The following PTDSS1 variants were observed in gnomAD, a reference collection of about 807,000 sequenced individuals.
PTDSS1 encodes PSS-1.
Under a neutral mutation model 70.5 loss-of-function variants are expected in PTDSS1, and 45 were observed. The ratio of observed to expected loss-of-function variants is 0.64; its 90% CI spans 0.50 to 0.82. PTDSS1 has a LOEUF of 0.82. Among genes scored for constraint, PTDSS1 ranks in the 40% least tolerant of loss-of-function variants. PTDSS1 has a pLI of 0.00. For synonymous variants in PTDSS1, 188 were observed against 203.8 expected, an observed-to-expected ratio of 0.92 and a Z score of 0.66; for missense variants, 417 against 586.1, an observed-to-expected ratio of 0.71 and a Z score of 2.98.
At chr8:96,282,341 G>A (rs184944183) in intron 2 of PTDSS1, among the ~76,000 whole-genome samples, 82 of 152,280 alleles carry the variant, frequency 5.4e-4, no homozygotes, top group Middle Eastern at 3.4e-3. Flanking sequence ...ATTACCTGGC[G>A]GGGGATCCTG....
At position 96,262,289 on chromosome 8, in the gene PTDSS1, G is replaced by T; in HGVS notation, c.179+70G>T. 13 of 1,070,672 alleles carry T rather than the reference G, an allele frequency of 1.2e-5. No individual in the cohort carries two copies. Among genetic ancestry groups the T allele is most frequent in the African/African-American group, 6.4e-5 (4 of 62,596 alleles). 66.3% of individuals were successfully genotyped at this position (1,070,672 alleles called of 1,614,324 possible). A position where few individuals can be genotyped will look rare whatever the true frequency, so the allele number is the denominator to read the frequency against. Reference sequence around the variant, plus strand: ...AAGAGGCGGGAGGGAGGGTGGCGGGGAGGGGGGCCCGGCATGGCTCTGGGT... The same window carrying T: ...AAGAGGCGGGAGGGAGGGTGGCGGGTAGGGGGGCCCGGCATGGCTCTGGGT... On this transcript the variant is annotated intron_variant, in intron 1 of 12. Coordinates refer to ENST00000517309, the MANE Select transcript of PTDSS1 (RefSeq NM_014754.3). This position sits in a 1 kb window ranked among gnomAD's most constrained non-coding sequence, Gnocchi z 4.4.
intron 4 of PTDSS1, among the ~76,000 whole-genome samples, chr8:96,291,457 T>C (rs965163587): frequency 6.6e-6 from 1 of 151,424 alleles, no homozygotes; most frequent in Non-Finnish European, 1.5e-5. Context: ...CTTTTCTTTT[T>C]TTTTTTTTTT....
At chr8:96,303,557 G>T (rs1586198898) in intron 6 of PTDSS1, among the ~76,000 whole-genome samples, 1 of 152,204 alleles carries the variant, frequency 6.6e-6, no homozygotes, top group Non-Finnish European at 1.5e-5. Context: ...TGCTGAGTGT[G>T]CCAGCCACTT....
Position 96,262,382 on chromosome 8 carries a change from G to A in PTDSS1, c.179+163G>A, listed in dbSNP as rs779511376. On this transcript the variant is annotated intron_variant, in intron 1 of 12. Coordinates refer to ENST00000517309, the MANE Select transcript of PTDSS1 (RefSeq NM_014754.3). This position sits in a 1 kb window ranked among gnomAD's most constrained non-coding sequence, Gnocchi z 4.4. Reference sequence around the variant, plus strand: ...CGCCGCCCACGCGGCCCCTCCGCCCGCCCGGTGTCTCACAGTACGCTAGCC... The same window carrying A: ...CGCCGCCCACGCGGCCCCTCCGCCCACCCGGTGTCTCACAGTACGCTAGCC... Among the ~76,000 whole-genome samples the A allele has an allele frequency of 1.3e-5, 2 of 152,088 alleles. No individual in the cohort carries two copies. The highest frequency in any genetic ancestry group is 2.4e-5 in the African/African-American group (1 of 41,414).
intron 9 of PTDSS1, among the ~76,000 whole-genome samples, chr8:96,310,620 G>C (rs1207002968): frequency 6.6e-6 from 1 of 151,910 alleles, no homozygotes; most frequent in Non-Finnish European, 1.5e-5. Context: ...CCTGTCATGG[G>C]CTGACCCACA....
chr8:96,269,796 C>T (rs1373953575), intron 1 of PTDSS1, among the ~76,000 whole-genome samples: 1 of 152,150 alleles, frequency 6.6e-6, no homozygotes, highest in Non-Finnish European at 1.5e-5. Context: ...TTGATCCACT[C>T]AAGAATAAGG....
intron 10 of PTDSS1, among the ~76,000 whole-genome samples, chr8:96,325,882 A>G (rs1359398540): frequency 6.6e-6 from 1 of 152,158 alleles, no homozygotes; most frequent in Non-Finnish European, 1.5e-5. Context: ...TTTTCAGGAA[A>G]TGCCGGCTTC....
intron 2 of PTDSS1, among the ~76,000 whole-genome samples, chr8:96,282,049 G>A (rs1810745789): frequency 6.6e-6 from 1 of 152,150 alleles, no homozygotes; most frequent in South Asian, 2.1e-4. Flanking sequence ...TTTGTCACAA[G>A]CCAAATAATA....
intron 4 of PTDSS1, among the ~76,000 whole-genome samples, chr8:96,292,520 C>A (rs7460539): frequency 0.019 from 2,873 of 152,080 alleles, 87 homozygotes; most frequent in African/African-American, 0.065. Context: ...GGCAGAGGGC[C>A]CTGCCTGAGG....
chr8:96,328,428 G>A (rs1211192345), intron 10 of PTDSS1, among the ~76,000 whole-genome samples: 2 of 152,240 alleles, frequency 1.3e-5, no homozygotes, highest in Non-Finnish European at 2.9e-5. Context: ...AAGCATTAGA[G>A]TATGTTAAAG....
At chr8:96,281,264 A>G (rs2130037043) in intron 2 of PTDSS1, among the ~76,000 whole-genome samples, 1 of 152,370 alleles carries the variant, frequency 6.6e-6, no homozygotes, top group African/African-American at 2.4e-5. Context: ...ATGCTACTAA[A>G]ATGTACTTTT....
chr8:96,323,278 T>C (rs562946729), intron 10 of PTDSS1, among the ~76,000 whole-genome samples: 2 of 152,302 alleles, frequency 1.3e-5, no homozygotes, highest in Admixed American at 1.3e-4. Context: ...CTGCCACTGC[T>C]CCTCTCTGGT....
chr8:96,333,295 CTG>C (rs1331523854), intron 12 of PTDSS1, among the ~76,000 whole-genome samples, 160 bp from the exon 13 acceptor site: 6 of 152,266 alleles, frequency 3.9e-5, no homozygotes, highest in Non-Finnish European at 5.9e-5. Context: ...AGTACTAGTT[CTG>C]TGTTTGAGAG....
intron 1 of PTDSS1, among the ~76,000 whole-genome samples, chr8:96,264,131 T>C (rs574573622): frequency 6.6e-6 from 1 of 152,344 alleles, no homozygotes; most frequent in South Asian, 2.1e-4. Context: ...ATGAATCATG[T>C]CCCTAACTAT....
intron 10 of PTDSS1, among the ~76,000 whole-genome samples, chr8:96,323,990 G>C (rs905564301): frequency 6.6e-6 from 1 of 152,168 alleles, no homozygotes; most frequent in African/African-American, 2.4e-5. Flanking sequence ...TTGCTGCTTG[G>C]CTGTCTTCCA....
chr8:96,299,913 A>T, intron 6 of PTDSS1, 68 bp downstream of exon 6: 1 of 1,503,476 alleles, frequency 6.7e-7, no homozygotes, highest in Non-Finnish European at 8.9e-7. Context: ...TTTTGGTAGG[A>T]ATCCATTTTA....
Position 96,295,143 on chromosome 8 carries a change from A to G in PTDSS1, c.487A>G (p.Ser163Gly). ...CHVITWERII[S>G]HFDIFAFGHF... ...TGTGATCACCTGGGAGAGGATTATC[A>G]GCCACTTTGATATTTTTGCATTTGG... Residue 163 changes from serine to glycine, a missense_variant, in exon 5 of 13, where the codon AGC (serine) becomes GGC (glycine). Transcript: ENST00000517309. The G allele has an allele frequency of 6.2e-7, 1 of 1,614,116 alleles. No homozygotes were observed.
intron 2 of PTDSS1, among the ~76,000 whole-genome samples, chr8:96,281,943 C>G (rs1810744219): frequency 2.0e-5 from 3 of 152,200 alleles, no homozygotes; most frequent in African/African-American, 7.2e-5. Context: ...TCTCATTCCA[C>G]AGCCTGGTGC....
At position 96,262,134 on chromosome 8, in the gene PTDSS1, A is replaced by G. The variant is rs1180208517; in HGVS notation, c.94A>G (p.Ile32Val). ...RMINEQQVEDITIDFFYRPHT... is the reference protein window; with the variant it reads ...RMINEQQVEDVTIDFFYRPHT... ...GATCAACGAGCAGCAAGTGGAGGACATCACCATTGACTTCTTCTACCGGCC... is the reference window on the plus strand; with the variant it reads ...GATCAACGAGCAGCAAGTGGAGGACGTCACCATTGACTTCTTCTACCGGCC... Residue 32 changes from isoleucine (I) to valine (V), a missense_variant, in exon 1 of 13, where the codon ATC becomes GTC. Ile to Val is a conservative substitution (Grantham distance 29, BLOSUM62 3). Transcript: ENST00000517309. The surrounding 1 kb of genome is among the most constrained non-coding windows in gnomAD (Gnocchi z 4.4). 6.2e-7 allele frequency: 1 copy of G among 1,613,826 alleles called. No homozygotes were observed. The highest frequency in any genetic ancestry group is 8.5e-7 in the Non-Finnish European group (1 of 1,179,858).
Sources: allele counts gnomAD v4.1 joint callset (sites outside exome capture counted in the v4.1 genomes callset), GRCh38; gene constraint gnomAD v4.1.1; non-coding constraint Gnocchi (gnomAD v3.1); transcripts MANE v1.5; gene names NCBI Gene and HGNC (gene_info 2026-07-23, HGNC 2026-07-21).